The following HPSE2 variants were observed in gnomAD, a reference collection of about 807,000 sequenced individuals.
HPSE2 encodes the protein heparanase 2 (inactive).
HPSE2 carries 38 observed loss-of-function variants against 60.5 expected under a neutral mutation model. That is an observed-to-expected ratio of 0.63 (90% CI 0.48 to 0.82). HPSE2 has a LOEUF of 0.82. Ranked by LOEUF, HPSE2 falls within the 40% of genes least tolerant of loss-of-function variation. The pLI is 0.00. For missense variants in HPSE2, 713 were observed against 740.4 expected, an observed-to-expected ratio of 0.96 and a Z score of 0.43; for synonymous variants, 295 against 293.2, an observed-to-expected ratio of 1.01 and a Z score of -0.06.
chr10:99,212,167 C>A (rs1203084508), intron 2 of HPSE2, among the ~76,000 whole-genome samples: 1 of 151,936 alleles, frequency 6.6e-6, no homozygotes, highest in Admixed American at 6.6e-5. Flanking sequence ...ATCAAAAAGA[C>A]AAAAGATAAT....
At chr10:99,065,174 T>C (rs116456260) in intron 3 of HPSE2, among the ~76,000 whole-genome samples, 1 of 152,184 alleles carries the variant, frequency 6.6e-6, no homozygotes, top group Non-Finnish European at 1.5e-5. Flanking sequence ...ATTCTTTCCA[T>C]TTTCAGGGAA....
At chr10:99,063,484 T>C (rs1842514272) in intron 3 of HPSE2, among the ~76,000 whole-genome samples, 1 of 152,110 alleles carries the variant, frequency 6.6e-6, no homozygotes. Flanking sequence ...ATGTTGGCAA[T>C]GGTGTGGAGA....
intron 6 of HPSE2, among the ~76,000 whole-genome samples, chr10:98,673,392 G>C (rs939607383): frequency 3.3e-5 from 5 of 152,128 alleles, no homozygotes; most frequent in African/African-American, 9.7e-5. Context: ...GACATTCCCT[G>C]TCTCATACGC....
rs540102265 is a variant in HPSE2, at chr10:99,177,305, C to A, written c.449-32906G>T. Among the ~76,000 whole-genome samples the A allele has an allele frequency of 1.6e-4, 24 of 152,092 alleles. No individual in the cohort carries two copies. The South Asian group carries it at 4.8e-3, about 30-fold the overall frequency. On this transcript the variant is annotated intron_variant, in intron 2 of 11. Coordinates refer to ENST00000370552, the MANE Select transcript of HPSE2 (RefSeq NM_021828.5). ...CTTAAATGTAAATGAGCTGAATACC[C>A]CAGTTAAAAGACACAGACTGGCAAA...
At chr10:98,500,660 G>C (rs1942000135) in intron 9 of HPSE2, among the ~76,000 whole-genome samples, 1 of 151,278 alleles carries the variant, frequency 6.6e-6, no homozygotes, top group African/African-American at 2.4e-5. Flanking sequence ...AAAGAAGAAA[G>C]GAAATAACCA....
chr10:98,602,812 G>T (rs28879218), intron 9 of HPSE2, among the ~76,000 whole-genome samples: 16,703 of 151,994 alleles, frequency 0.11, 1,380 homozygotes, highest in African/African-American at 0.22. Flanking sequence ...AACTCAAATG[G>T]ACCAAAGACC....
chr10:99,038,185 G>A (rs1957652925), intron 3 of HPSE2, among the ~76,000 whole-genome samples: 2 of 152,102 alleles, frequency 1.3e-5, no homozygotes, highest in Admixed American at 1.3e-4. Flanking sequence ...ATTTATCCTT[G>A]AGAAATGAAG....
At chr10:99,161,500 G>C (rs755142854) in intron 2 of HPSE2, among the ~76,000 whole-genome samples, 4 of 152,108 alleles carry the variant, frequency 2.6e-5, no homozygotes, top group Non-Finnish European at 4.4e-5. Context: ...AATTTCTGGA[G>C]AACGCATATC....
At position 98,796,782 on chromosome 10, in the gene HPSE2, G is replaced by A. The variant is rs571939301; in HGVS notation, c.611-52726C>T. On this transcript the variant is annotated intron_variant, in intron 3 of 11. Coordinates refer to ENST00000370552, the MANE Select transcript of HPSE2 (RefSeq NM_021828.5). The stretch of plus-strand genomic sequence containing the variant: ...CAGTCCCAGTGGTAGTGACCACAGG[G>A]GTGCTTGCATCACTACATCCCAGTT... Among the ~76,000 whole-genome samples, 5 of 152,318 alleles carry A rather than the reference G, an allele frequency of 3.3e-5. No homozygotes were observed. The East Asian group carries it at 7.7e-4, about 24-fold the overall frequency.
At chr10:98,830,233 T>G (rs1468051047) in intron 3 of HPSE2, among the ~76,000 whole-genome samples, 1 of 152,144 alleles carries the variant, frequency 6.6e-6, no homozygotes, top group Non-Finnish European at 1.5e-5. Flanking sequence ...TAATAGAGAT[T>G]ACATTCTATT....
intron 3 of HPSE2, among the ~76,000 whole-genome samples, chr10:98,883,293 G>T (rs1953077282): frequency 6.6e-6 from 1 of 152,124 alleles, no homozygotes; most frequent in African/African-American, 2.4e-5. Flanking sequence ...AGGCATGGGT[G>T]TTATAAAGAA....
chr10:99,213,019 T>G (rs1849000605), intron 2 of HPSE2, among the ~76,000 whole-genome samples: 1 of 152,116 alleles, frequency 6.6e-6, no homozygotes, highest in African/African-American at 2.4e-5. Context: ...CATTTTAGCA[T>G]AAGGCCTGGA....
At chr10:99,044,486 A>T (rs1487161018) in intron 3 of HPSE2, among the ~76,000 whole-genome samples, 2 of 152,228 alleles carry the variant, frequency 1.3e-5, no homozygotes, top group East Asian at 3.8e-4. Flanking sequence ...ATAATGGCAG[A>T]ATCAAAATCT....
intron 3 of HPSE2, among the ~76,000 whole-genome samples, chr10:98,864,375 G>A (rs1444803): frequency 0.83 from 125,642 of 152,076 alleles, 52,110 homozygotes; most frequent in African/African-American, 0.86. Flanking sequence ...GGAGGAGAAC[G>A]AACCATTGTA....
At chr10:99,183,576 T>C (rs1232775753) in intron 2 of HPSE2, among the ~76,000 whole-genome samples, 1 of 152,234 alleles carries the variant, frequency 6.6e-6, no homozygotes, top group Admixed American at 6.5e-5. Flanking sequence ...GTTACATTTC[T>C]TCCCTGCTAT....
At chr10:98,988,412 T>C (rs1323929284) in intron 3 of HPSE2, among the ~76,000 whole-genome samples, 1 of 151,786 alleles carries the variant, frequency 6.6e-6, no homozygotes, top group Non-Finnish European at 1.5e-5. Flanking sequence ...CCCTATTTAA[T>C]AAATGGTGCT....
intron 3 of HPSE2, among the ~76,000 whole-genome samples, chr10:98,913,581 C>G (rs187369765): frequency 6.6e-6 from 1 of 152,002 alleles, no homozygotes; most frequent in Non-Finnish European, 1.5e-5. Context: ...GGGCTCCTTC[C>G]GAAAGCCCAG....
chr10:98,914,646 G>A (rs534128775), intron 3 of HPSE2, among the ~76,000 whole-genome samples: 1 of 147,654 alleles, frequency 6.8e-6, no homozygotes, highest in African/African-American at 2.5e-5. Flanking sequence ...TGTTTAATAA[G>A]AAAGGTTACC....
intron 3 of HPSE2, among the ~76,000 whole-genome samples, chr10:99,069,054 A>G (rs1400754981): frequency 2.6e-5 from 4 of 152,208 alleles, no homozygotes; most frequent in African/African-American, 9.6e-5. Flanking sequence ...AATAATGCCA[A>G]TCCTTCACAA....
Sources: gnomAD v4.1 joint callset for allele counts (sites outside exome capture counted in the v4.1 genomes callset) on GRCh38, gnomAD v4.1.1 for gene constraint, MANE v1.5 for transcripts, NCBI Gene and HGNC (gene_info 2026-07-23, HGNC 2026-07-21) for gene names.